ZBTB20: variants seen among roughly 807,000 people sequenced by gnomAD.
The protein encoded by ZBTB20 is zinc finger and BTB domain-containing protein 20.
In ZBTB20, 9 loss-of-function variants were observed where a neutral mutation model predicts 56.9. The observed-to-expected ratio is 0.16, with a 90% CI of 0.10 to 0.28. The LOEUF is 0.28. Ranked by LOEUF, ZBTB20 falls within the 10% of genes least tolerant of loss-of-function variation. The probability of loss-of-function intolerance (pLI) is 1.00; values close to 1 mark genes in which losing one functional copy is unlikely to be tolerated. For synonymous variants in ZBTB20, 417 were observed against 420.7 expected (o/e 0.99, Z 0.11); for missense variants, 655 against 1,003.0 (o/e 0.65, Z 4.69).
At chr3:114,656,937 CG>C in intron 6 of ZBTB20, among the ~76,000 whole-genome samples, 1 of 152,124 alleles carries the variant, frequency 6.6e-6, no homozygotes, top group East Asian at 1.9e-4. Flanking sequence ...GCTACCGCAC[CG>C]GGCCTGAAAA....
At chr3:114,926,151 C>T (rs543724614) in intron 3 of ZBTB20, among the ~76,000 whole-genome samples, 88 of 152,290 alleles carry the variant, frequency 5.8e-4, no homozygotes, top group Admixed American at 1.8e-3. Context: ...TCCCAGAGTT[C>T]CTACAGCCTA....
intron 4 of ZBTB20, among the ~76,000 whole-genome samples, chr3:114,842,987 TA>T (rs554291218): frequency 1.2e-3 from 188 of 152,260 alleles, no homozygotes; most frequent in Middle Eastern, 3.4e-3. Context: ...TCTGTGATAG[TA>T]AGTGAGGTCT....
chr3:114,382,019 T>C (rs912819972), intron 8 of ZBTB20, among the ~76,000 whole-genome samples: 11 of 152,216 alleles, frequency 7.2e-5, no homozygotes, highest in Non-Finnish European at 1.3e-4. Context: ...TTTAAAGATG[T>C]AGCCAAGATC....
chr3:114,880,119 T>A (rs1031191370), intron 4 of ZBTB20, among the ~76,000 whole-genome samples: 1 of 152,230 alleles, frequency 6.6e-6, no homozygotes, highest in Non-Finnish European at 1.5e-5. Flanking sequence ...AAATCTTTTA[T>A]GTATTTTCTG....
intron 5 of ZBTB20, among the ~76,000 whole-genome samples, chr3:114,700,606 T>C (rs1241368063): frequency 6.6e-6 from 1 of 152,178 alleles, no homozygotes; most frequent in Non-Finnish European, 1.5e-5. Context: ...ACATTATTGA[T>C]ATTTGAGACT....
chr3:114,768,898 C>G (rs1433981108), intron 5 of ZBTB20, among the ~76,000 whole-genome samples: 1 of 152,142 alleles, frequency 6.6e-6, no homozygotes. Flanking sequence ...CCATGCTACA[C>G]AGTACTCAAA....
intron 6 of ZBTB20, among the ~76,000 whole-genome samples, chr3:114,600,981 G>A (rs2056718364): frequency 2.6e-5 from 4 of 151,084 alleles, no homozygotes; most frequent in African/African-American, 9.7e-5. Flanking sequence ...TTTCTCTAGG[G>A]ACATCCTTTT....
intron 5 of ZBTB20, among the ~76,000 whole-genome samples, chr3:114,759,598 G>T (rs1340513610): frequency 6.6e-6 from 1 of 152,062 alleles, no homozygotes; most frequent in Non-Finnish European, 1.5e-5. Context: ...TTCTCAGTGA[G>T]CTTGGGTAAC....
intron 1 of ZBTB20, among the ~76,000 whole-genome samples, chr3:115,140,195 G>GT: frequency 6.6e-6 from 1 of 152,164 alleles, no homozygotes; most frequent in African/African-American, 2.4e-5. Flanking sequence ...CATAGATCAT[G>GT]TAACTAATTA....
At chr3:114,416,846 A>T (rs913960829) in intron 7 of ZBTB20, among the ~76,000 whole-genome samples, 1 of 152,088 alleles carries the variant, frequency 6.6e-6, no homozygotes, top group Non-Finnish European at 1.5e-5. Context: ...TGAGTTTTGT[A>T]GGTCATTTAT....
At chr3:114,967,827 G>C (rs1180852924) in intron 3 of ZBTB20, among the ~76,000 whole-genome samples, 1 of 151,752 alleles carries the variant, frequency 6.6e-6, no homozygotes, top group East Asian at 1.9e-4. Flanking sequence ...CGTGGTGGCG[G>C]GCACCTATAA....
chr3:114,607,091 C>G (rs1452037265), intron 6 of ZBTB20, among the ~76,000 whole-genome samples: 1 of 149,604 alleles, frequency 6.7e-6, no homozygotes, highest in Non-Finnish European at 1.5e-5. Flanking sequence ...CAGTGAGACT[C>G]AATCTCAAAT....
chr3:114,517,143 T>A (rs1019145795), intron 6 of ZBTB20, among the ~76,000 whole-genome samples: 6 of 151,394 alleles, frequency 4.0e-5, no homozygotes, highest in Non-Finnish European at 7.4e-5. Flanking sequence ...GTAATCAATC[T>A]ATCAATCAAT....
In ZBTB20 at chr3:114,686,986, T is replaced by C. The variant is rs556479316; in HGVS notation, c.-295+6542A>G. Among the ~76,000 whole-genome samples, 14 of 152,244 alleles carry C rather than the reference T, an allele frequency of 9.2e-5. No homozygotes were observed. The South Asian group carries it at 1.9e-3, about 20-fold the overall frequency. The stretch of plus-strand genomic sequence containing the variant: ...AACAAGAGCAACAGGATAACTTCAG[T>C]GTAAGGCATGTGAGAAAAATACGCA... On this transcript the variant is annotated intron_variant, in intron 6 of 11. Coordinates refer to ENST00000675478, the MANE Select transcript of ZBTB20 (RefSeq NM_001348800.3).
chr3:114,634,053 G>A (rs1038001914), intron 6 of ZBTB20, among the ~76,000 whole-genome samples: 4 of 152,144 alleles, frequency 2.6e-5, no homozygotes, highest in Non-Finnish European at 4.4e-5. Flanking sequence ...TATTCCATTC[G>A]TTAACATATG....
At chr3:114,393,740 T>C (rs2086092973) in intron 7 of ZBTB20, among the ~76,000 whole-genome samples, 1 of 152,192 alleles carries the variant, frequency 6.6e-6, no homozygotes, top group Admixed American at 6.5e-5. Context: ...ATGCCACAAA[T>C]TCTCCCTAGA....
At chr3:115,031,023 C>T (rs1361365911) in intron 2 of ZBTB20, among the ~76,000 whole-genome samples, 1 of 151,404 alleles carries the variant, frequency 6.6e-6, no homozygotes, top group Non-Finnish European at 1.5e-5. Flanking sequence ...TTACATACAT[C>T]CCTTCATAAT....
intron 6 of ZBTB20, among the ~76,000 whole-genome samples, chr3:114,509,173 C>T (rs1210462216): frequency 6.6e-6 from 1 of 152,068 alleles, no homozygotes; most frequent in African/African-American, 2.4e-5. Context: ...TTTCCACATC[C>T]ACATTCCTAT....
chr3:115,088,951 A>G (rs1222249137), intron 1 of ZBTB20, among the ~76,000 whole-genome samples: 1 of 151,928 alleles, frequency 6.6e-6, no homozygotes, highest in Non-Finnish European at 1.5e-5. Flanking sequence ...AAATATAAAT[A>G]TAAACAAAAG....
Sources: gnomAD v4.1 joint callset for allele counts (sites outside exome capture counted in the v4.1 genomes callset) on GRCh38, gnomAD v4.1.1 for gene constraint, MANE v1.5 for transcripts, NCBI Gene and HGNC (gene_info 2026-07-23, HGNC 2026-07-21) for gene names.